RPS3: variants seen among roughly 807,000 people sequenced by gnomAD.
RPS3 encodes ribosomal protein S3, also known as small ribosomal subunit protein uS3.
RPS3 carries 2 observed loss-of-function variants against 25.8 expected under a neutral mutation model. That is an observed-to-expected ratio of 0.08 (90% CI 0.03 to 0.24). The LOEUF is 0.24. Ranked by LOEUF, RPS3 falls within the 10% of genes least tolerant of loss-of-function variation. The pLI is 1.00. For missense variants in RPS3, 107 were observed against 307.1 expected (o/e 0.35, Z 4.87); for synonymous variants, 114 against 114.2 (o/e 1.00, Z 0.01).
At chr11:75,403,616 A>AGT (rs17885824) in intron 4 of RPS3, 2,052 of 156,710 alleles carry the variant, frequency 0.013, 23 homozygotes, top group Middle Eastern at 0.032. Flanking sequence ...GGGACCACAA[A>AGT]GTGGGTAATT....
intron 6 of RPS3, 153 bp downstream of exon 6, chr11:75,405,021 TC>T: frequency 1.8e-6 from 1 of 549,704 alleles, no homozygotes; most frequent in Non-Finnish European, 3.2e-6. Context: ...AAACCTGGGG[TC>T]TATTTAACCC....
At chr11:75,408,938 C>T (rs563904461), downstream of RPS3, among the ~76,000 whole-genome samples, 17 of 151,930 alleles carry the variant, frequency 1.1e-4, no homozygotes, top group Non-Finnish European at 2.2e-4. Context: ...GCTGGGACTC[C>T]CTCTATATGC....
At chr11:75,400,414 G>A in intron 1 of RPS3, 1 of 554,916 alleles carries the variant, frequency 1.8e-6, no homozygotes. Context: ...ATGATGACGA[G>A]TCTGACTTGG....
intron 3 of RPS3, 187 bp from the exon 4 acceptor site, chr11:75,402,165 A>G (rs1948219503): frequency 1.3e-6 from 1 of 778,744 alleles, no homozygotes; most frequent in Non-Finnish European, 2.0e-6. Flanking sequence ...TACTACTGGT[A>G]GCGCAAAAAA....
At chr11:75,411,018 A>G (rs575285754), downstream of RPS3, among the ~76,000 whole-genome samples, 14 of 152,236 alleles carry the variant, frequency 9.2e-5, no homozygotes, top group Non-Finnish European at 1.5e-5. Context: ...CTGGGACTAC[A>G]GGTGCCTGCC....
chr11:75,415,098 A>G (rs1253294963), intron 6 of RPS3, among the ~76,000 whole-genome samples: 1 of 152,178 alleles, frequency 6.6e-6, no homozygotes, highest in Non-Finnish European at 1.5e-5. Context: ...AAAGGCTATG[A>G]GTATCTCAGT....
chr11:75,418,672 G>GT (rs1300041459), intron 6 of RPS3, among the ~76,000 whole-genome samples: 1 of 152,124 alleles, frequency 6.6e-6, no homozygotes, highest in Admixed American at 6.5e-5. Context: ...AACACGTAAC[G>GT]TGAGTCTCTG....
At chr11:75,409,244 G>T (rs1948319425), downstream of RPS3, among the ~76,000 whole-genome samples, 1 of 143,646 alleles carries the variant, frequency 7.0e-6, no homozygotes, top group African/African-American at 2.6e-5. Flanking sequence ...GGGGGATTTG[G>T]CAGGGTCATA....
At chr11:75,417,817 G>A (rs1229540924) in intron 6 of RPS3, among the ~76,000 whole-genome samples, 2 of 152,228 alleles carry the variant, frequency 1.3e-5, no homozygotes, top group Non-Finnish European at 2.9e-5. Flanking sequence ...ACTGCTGGTG[G>A]TGTGCCCCAG....
chr11:75,399,609 A>T, intron 1 of RPS3, 32 bp downstream of exon 1: 1 of 1,606,570 alleles, frequency 6.2e-7, no homozygotes, highest in Non-Finnish European at 8.5e-7. Flanking sequence ...TCGGAGAACG[A>T]CGGCGCCGCG....
intron 6 of RPS3, among the ~76,000 whole-genome samples, chr11:75,412,154 C>G (rs1948362723): frequency 6.6e-6 from 1 of 152,180 alleles, no homozygotes; most frequent in Non-Finnish European, 1.5e-5. Context: ...ACTGCTTGCA[C>G]CCTTGTGACT....
chr11:75,419,557 C>CA lies in RPS3; in HGVS notation c.*4-2159dup, dbSNP rs369165001. 7.1e-3 allele frequency among the ~76,000 whole-genome samples: 862 copies of CA among 120,792 alleles called. 13 individuals carry two copies. Among genetic ancestry groups the CA allele is most frequent in the African/African-American group, 0.024 (769 of 32,610 alleles). 79.2% of individuals were successfully genotyped at this position (120,792 alleles called of 152,430 possible). On this transcript the variant is annotated intron_variant, in intron 6 of 6. Coordinates refer to the RPS3 transcript ENST00000527446. ...CAACAGAGTGAGACTCCTTCTCAAA[C>CA]AAAAAAAAAAAGAAAGAAAAAAAGA...
chr11:75,401,578 G>A, intron 2 of RPS3, 62 bp from the exon 3 acceptor site: 2 of 1,161,558 alleles, frequency 1.7e-6, no homozygotes, highest in South Asian at 1.2e-5. Flanking sequence ...ACACATATAT[G>A]CAAGATTTAA....
At chr11:75,421,751 C>T (rs546651701) in exon 7 of RPS3, 1 of 152,366 alleles carries the variant, frequency 6.6e-6, no homozygotes, top group African/African-American at 2.4e-5. Flanking sequence ...GGGGAGCCCG[C>T]TGCTTGTCTC....
In RPS3 at chr11:75,420,869, G is replaced by A. The variant is rs78785679; in HGVS notation, c.*4-858G>A. ...CGGGTTGAGGTTATAAGGTGGGCCT[G>A]GGCAGACAAAGGAGAGGGCACGTGC... On this transcript the variant is annotated intron_variant, in intron 6 of 6. Transcript: ENST00000527446. 3.5e-3 allele frequency among the ~76,000 whole-genome samples: 526 copies of A among 152,134 alleles called. 3 individuals carry two copies. The highest frequency in any genetic ancestry group is 0.012 in the African/African-American group (485 of 41,504).
rs545479112 is a variant in RPS3 at position 75,405,664 on chromosome 11, C to G, written c.*54C>G. 73 of 456,056 alleles carry G rather than the reference C, an allele frequency of 1.6e-4. No homozygotes were observed. The highest frequency in any genetic ancestry group is 9.9e-4 in the South Asian group (64 of 64,540). The allele number at this position is 456,056 out of a possible 1,614,324, so 28.3% of individuals were successfully genotyped here. A position where few individuals can be genotyped will look rare whatever the true frequency, so the allele number is the denominator to read the frequency against. ...AGTCTGGATGTTGCTCTCTAAAGACCTTTAATAAAATTTTGTACAAAGACA... is the reference window on the plus strand; with the variant it reads ...AGTCTGGATGTTGCTCTCTAAAGACGTTTAATAAAATTTTGTACAAAGACA... On this transcript the variant is annotated 3_prime_UTR_variant, in exon 7 of 7. Transcript: ENST00000531188.
chr11:75,421,574 C>T (rs191790361), intron 6 of RPS3, among the ~76,000 whole-genome samples: 19 of 152,332 alleles, frequency 1.2e-4, no homozygotes, highest in Non-Finnish European at 2.4e-4. Flanking sequence ...CCCCCATTGA[C>T]GTTGGACACC....
downstream of RPS3, among the ~76,000 whole-genome samples, chr11:75,410,499 T>A (rs1227033672): frequency 6.8e-6 from 1 of 146,896 alleles, no homozygotes; most frequent in African/African-American, 2.6e-5. Flanking sequence ...CTCCTCACTT[T>A]CCAGACTGGG....
chr11:75,399,682 C>T lies in RPS3; in HGVS notation c.30+105C>T, dbSNP rs983625523. 8 of 1,014,386 alleles carry T rather than the reference C, an allele frequency of 7.9e-6. No individual in the cohort carries two copies. In the Admixed American group the frequency reaches 1.3e-4, roughly 16 times the overall value. 62.8% of individuals were successfully genotyped at this position (1,014,386 alleles called of 1,614,324 possible). On this transcript the variant is annotated intron_variant, in intron 1 of 6. Transcript: ENST00000531188. ...GCAGCTCCGTGGCCTGCCCTGGAAG[C>T]GGCCTAGGCTTCCTGGCGTTCCTGC...
Sources: gnomAD v4.1 joint callset for allele counts (sites outside exome capture counted in the v4.1 genomes callset) on GRCh38, gnomAD v4.1.1 for gene constraint, MANE v1.5 for transcripts, NCBI Gene and HGNC (gene_info 2026-07-23, HGNC 2026-07-21) for gene names.